Variants in SLC38A6 observed in about 807,000 individuals in gnomAD.
The protein encoded by SLC38A6 is solute carrier family 38 member 6, also known as N system amino acid transporter NAT-1.
Under a neutral mutation model 65.0 loss-of-function variants are expected in SLC38A6, and 73 were observed. The observed-to-expected ratio is 1.12, with a 90% CI of 0.93 to 1.37. SLC38A6 has a LOEUF of 1.37. Among genes scored for constraint, SLC38A6 ranks in the 40% most tolerant of loss-of-function variants. SLC38A6 has a pLI of 0.00. For missense variants in SLC38A6, 561 were observed against 531.1 expected (o/e 1.06, Z -0.55); for synonymous variants, 183 against 178.8 (o/e 1.02, Z -0.19).
At position 61,016,994 on chromosome 14, in the gene SLC38A6, A is replaced by T. The variant is rs116214096; in HGVS notation, c.363+1038A>T. Among the ~76,000 whole-genome samples, 350 of 152,324 alleles carry T rather than the reference A, an allele frequency of 2.3e-3. 3 individuals carry two copies. The highest frequency in any genetic ancestry group is 6.8e-3 in the Middle Eastern group (2 of 294). ...CTGGAGGAAATATATATAGCTATAC[A>T]ATGGAAAGAAAACCTGTATTTACAT... On this transcript the variant is annotated intron_variant, in intron 4 of 15. Transcript: ENST00000267488.
intron 15 of SLC38A6, among the ~76,000 whole-genome samples, chr14:61,061,295 A>G (rs1368230117): frequency 6.6e-6 from 1 of 152,362 alleles, no homozygotes; most frequent in Non-Finnish European, 1.5e-5. Context: ...GTACTTGATC[A>G]TGGTGGATTA....
chr14:61,077,265 C>G (rs1298321537), intron 15 of SLC38A6, among the ~76,000 whole-genome samples: 1 of 152,132 alleles, frequency 6.6e-6, no homozygotes, highest in African/African-American at 2.4e-5. Flanking sequence ...AGTCTATATT[C>G]AAAAATTCAG....
In SLC38A6 at chr14:61,065,125, T is replaced by C. The variant is rs549779073; in HGVS notation, c.1290+12990T>C. 2.2e-4 allele frequency among the ~76,000 whole-genome samples: 33 copies of C among 152,292 alleles called. 1 individual carries two copies. The South Asian group carries it at 5.0e-3, about 23-fold the overall frequency. On this transcript the variant is annotated intron_variant, in intron 15 of 16. Transcript: ENST00000354886. ...GAAATCTTTGGGGTGTGTGTGTGTG[T>C]GTGTATGCTTTTCCATCTAGAAGCA...
intron 3 of SLC38A6, among the ~76,000 whole-genome samples, chr14:60,994,959 G>A (rs1238571673): frequency 1.5e-5 from 2 of 129,164 alleles, no homozygotes; most frequent in South Asian, 2.6e-4. Context: ...AGCTGAAATC[G>A]TGCCACTGCA....
At chr14:60,981,506 G>A (rs1375706205) in intron 1 of SLC38A6, 124 bp downstream of exon 1, 2 of 1,535,382 alleles carry the variant, frequency 1.3e-6, no homozygotes, top group Non-Finnish European at 8.7e-7. Flanking sequence ...CTGAACCCTG[G>A]GGGATGGGGT....
intron 3 of SLC38A6, among the ~76,000 whole-genome samples, chr14:61,003,043 G>C (rs1278824219): frequency 6.6e-6 from 1 of 151,990 alleles, no homozygotes; most frequent in Admixed American, 6.6e-5. Context: ...TCTCCTGTTA[G>C]TAGACCAAGT....
chr14:61,031,553 A>G (rs2040991694), intron 6 of SLC38A6, among the ~76,000 whole-genome samples: 1 of 152,104 alleles, frequency 6.6e-6, no homozygotes, highest in Non-Finnish European at 1.5e-5. Flanking sequence ...TCATCAGAAG[A>G]TATTGTTCCT....
At chr14:61,045,692 T>A (rs2139812925) in intron 11 of SLC38A6, among the ~76,000 whole-genome samples, 1 of 152,230 alleles carries the variant, frequency 6.6e-6, no homozygotes, top group South Asian at 2.1e-4. Context: ...AAGACCAGCC[T>A]GGCCAACATG....
At chr14:60,984,628 C>T in intron 2 of SLC38A6, 102 bp from the exon 3 acceptor site, 1 of 858,220 alleles carries the variant, frequency 1.2e-6, no homozygotes, top group Non-Finnish European at 2.0e-6. Flanking sequence ...AGAGATAGTT[C>T]CTGTGAATAT....
chr14:61,036,041 T>A (rs2041340797), intron 6 of SLC38A6, among the ~76,000 whole-genome samples: 1 of 152,122 alleles, frequency 6.6e-6, no homozygotes, highest in Admixed American at 6.5e-5. Flanking sequence ...AATTGGTGAT[T>A]AATGCCCTTT....
chr14:61,015,321 T>G (rs1301254523), intron 3 of SLC38A6, among the ~76,000 whole-genome samples: 3 of 152,174 alleles, frequency 2.0e-5, no homozygotes, highest in African/African-American at 7.2e-5. Context: ...CCTGACCCCT[T>G]GCACTTCCCA....
intron 3 of SLC38A6, among the ~76,000 whole-genome samples, chr14:61,006,080 G>T (rs1290343963): frequency 3.3e-5 from 5 of 152,120 alleles, no homozygotes; most frequent in African/African-American, 9.7e-5. Context: ...AATGGGGAAG[G>T]GATTCCCTAT....
intron 9 of SLC38A6, 100 bp from the exon 10 acceptor site, chr14:61,043,350 A>G: frequency 8.9e-7 from 1 of 1,121,500 alleles, no homozygotes; most frequent in Non-Finnish European, 1.3e-6. Context: ...AAATACTTTC[A>G]TTTGAAAGCC....
At chr14:60,995,003 C>CAAAAAAAAAAAA (rs34888148) in intron 3 of SLC38A6, among the ~76,000 whole-genome samples, 2 of 73,140 alleles carry the variant, frequency 2.7e-5, no homozygotes, top group African/African-American at 5.0e-5. Context: ...GACTCCATCT[C>CAAAAAAAAAAAA]AAAAAAAAAA....
chr14:61,030,440 T>G lies in SLC38A6; in HGVS notation c.404-5T>G, dbSNP rs376506247. On this transcript the variant is annotated splice_region_variant and splice_polypyrimidine_tract_variant and intron_variant, in intron 5 of 15. Coordinates refer to ENST00000267488, the MANE Select transcript of SLC38A6 (RefSeq NM_153811.3). ...CTAATAGGAACACTATTTATTCTTTTGCAGCTATGTCATCTTATCTTTTAA... is the reference window on the plus strand; with the variant it reads ...CTAATAGGAACACTATTTATTCTTTGGCAGCTATGTCATCTTATCTTTTAA... 85 of 1,594,110 alleles carry G rather than the reference T, an allele frequency of 5.3e-5. No individual in the cohort carries two copies. The highest frequency in any genetic ancestry group is 5.8e-5 in the Non-Finnish European group (68 of 1,170,628).
intron 4 of SLC38A6, among the ~76,000 whole-genome samples, chr14:61,017,604 AC>A (rs2040095868): frequency 6.6e-6 from 1 of 152,192 alleles, no homozygotes; most frequent in Non-Finnish European, 1.5e-5. Context: ...ATATAACATA[AC>A]CTATAAACAT....
intron 15 of SLC38A6, among the ~76,000 whole-genome samples, chr14:61,073,114 G>T (rs1019093354): frequency 5.9e-5 from 9 of 152,028 alleles, no homozygotes; most frequent in African/African-American, 1.7e-4. Flanking sequence ...ATTTTGATTT[G>T]CATTTCTCTG....
At chr14:61,021,741 A>G (rs1221050074) in intron 5 of SLC38A6, among the ~76,000 whole-genome samples, 1 of 152,152 alleles carries the variant, frequency 6.6e-6, no homozygotes, top group Non-Finnish European at 1.5e-5. Flanking sequence ...TTTTAGAATG[A>G]TATCCTCATG....
intron 4 of SLC38A6, among the ~76,000 whole-genome samples, chr14:61,017,329 G>A (rs572845108): frequency 2.4e-4 from 36 of 152,248 alleles, no homozygotes; most frequent in East Asian, 5.8e-4. Flanking sequence ...GTTAGCCACC[G>A]CGCCCGGCCC....
Sources: gnomAD v4.1 joint callset for allele counts (sites outside exome capture counted in the v4.1 genomes callset) on GRCh38, gnomAD v4.1.1 for gene constraint, MANE v1.5 for transcripts, NCBI Gene and HGNC (gene_info 2026-07-23, HGNC 2026-07-21) for gene names.